Variants in AGPAT4 observed in about 807,000 individuals in gnomAD.
AGPAT4 encodes the protein 1-acyl-sn-glycerol-3-phosphate acyltransferase delta.
A neutral mutation model predicts 48.0 loss-of-function variants in AGPAT4; 15 were observed. That is an observed-to-expected ratio of 0.31 (90% CI 0.21 to 0.48). The LOEUF (loss-of-function observed/expected upper bound fraction) is 0.48. AGPAT4 is among the 20% of genes least tolerant of loss of function. The probability of loss-of-function intolerance (pLI) is 0.99; values close to 1 mark genes in which losing one functional copy is unlikely to be tolerated. For synonymous variants in AGPAT4, 178 were observed against 198.7 expected (o/e 0.90, Z 0.88); for missense variants, 314 against 482.5 (o/e 0.65, Z 3.27).
In AGPAT4 at chr6:161,177,885, C is replaced by A. The variant is rs1780471388; in HGVS notation, c.179-11468G>T. Among the ~76,000 whole-genome samples, 1 of 152,214 alleles carries A rather than the reference C, an allele frequency of 6.6e-6. No individual in the cohort carries two copies. Among genetic ancestry groups the A allele is most frequent in the Admixed American group, 6.5e-5 (1 of 15,284 alleles). ...TCCTTCTAACAGTCGGAACCCTCAGCTGCAGGTCTGTTGGAGTTTGCTGGA... is the reference window on the plus strand; with the variant it reads ...TCCTTCTAACAGTCGGAACCCTCAGATGCAGGTCTGTTGGAGTTTGCTGGA... On this transcript the variant is annotated intron_variant, in intron 2 of 8. Transcript: ENST00000320285. This position sits in a 1 kb window ranked among gnomAD's most constrained non-coding sequence, Gnocchi z 5.0.
rs1465888850 is a variant in AGPAT4, at chr6:161,144,533, T to C, written c.843+1991A>G. On this transcript the variant is annotated intron_variant, in intron 7 of 8. Coordinates refer to ENST00000320285, the MANE Select transcript of AGPAT4 (RefSeq NM_020133.3). This position sits in a 1 kb window ranked among gnomAD's most constrained non-coding sequence, Gnocchi z 6.6. ...GTTTACACGATGACCACACTCTGCC[T>C]GAATACAGGGGAGGAAGGGCCCGTT... 6.6e-6 allele frequency among the ~76,000 whole-genome samples: 1 copy of C among 152,124 alleles called. No individual in the cohort carries two copies.
rs3778229 is a variant in AGPAT4, at chr6:161,223,508, C to T, written c.178+8528G>A. Among the ~76,000 whole-genome samples, 55,941 of 152,000 alleles carry T rather than the reference C, an allele frequency of 0.37. 10,789 individuals are homozygous for T. Among genetic ancestry groups the T allele is most frequent in the Non-Finnish European group, 0.44 (29,849 of 67,962 alleles). ...ACAGGTGAATTGCCTGTTCACATAG[C>T]GGTGTTATTAAATGAGGTAATGGCT... On this transcript the variant is annotated intron_variant, in intron 2 of 8. Coordinates refer to ENST00000320285, the MANE Select transcript of AGPAT4 (RefSeq NM_020133.3). The surrounding 1 kb of genome is among the most constrained non-coding windows in gnomAD (Gnocchi z 6.3).
rs2115045718 is a variant in AGPAT4 at position 161,243,334 on chromosome 6, A to G, written c.-89-11032T>C. 6.6e-6 allele frequency among the ~76,000 whole-genome samples: 1 copy of G among 152,188 alleles called. No individual in the cohort carries two copies. Among genetic ancestry groups the G allele is most frequent in the South Asian group, 2.1e-4 (1 of 4,810 alleles). ...CAGGCGTGAGGTGGCTGGCATCCCC[A>G]GCCGGCACTAAAAACAAAAAGAGAG... On this transcript the variant is annotated intron_variant, in intron 1 of 8. Coordinates refer to ENST00000320285, the MANE Select transcript of AGPAT4 (RefSeq NM_020133.3). The surrounding 1 kb of genome is among the most constrained non-coding windows in gnomAD (Gnocchi z 4.8).
In AGPAT4 at chr6:161,198,748, T is replaced by TCTGA. The variant is rs10628377; in HGVS notation, c.179-32332_179-32331insTCAG. Among the ~76,000 whole-genome samples the TCTGA allele has an allele frequency of 0.17, 25,407 of 152,040 alleles. 3,604 individuals carry two copies. The highest frequency in any genetic ancestry group is 0.39 in the African/African-American group (16,306 of 41,408). ...AGAGTGCTGGGAACACTATATGCAG[T>TCTGA]CTGTTTTTTCCTTTACACTGACGGA... On this transcript the variant is annotated intron_variant, in intron 2 of 8. Transcript: ENST00000320285. The surrounding 1 kb of genome is among the most constrained non-coding windows in gnomAD (Gnocchi z 4.3).
rs534308965 is a variant in AGPAT4 at position 161,154,583 on chromosome 6, C to T, written c.349-273G>A. 3.9e-5 allele frequency among the ~76,000 whole-genome samples: 6 copies of T among 152,238 alleles called. No individual in the cohort carries two copies. Among genetic ancestry groups the T allele is most frequent in the East Asian group, 3.9e-4 (2 of 5,156 alleles). On this transcript the variant is annotated intron_variant, in intron 3 of 8. Transcript: ENST00000320285. This position sits in a 1 kb window ranked among gnomAD's most constrained non-coding sequence, Gnocchi z 7.8. ...ACGGCAGGAGTCAAGAAGGCAGCAG[C>T]GAGCAGTCACAGGTATTCAGGGTCC...
Position 161,219,306 on chromosome 6 carries a change from G to A in AGPAT4, c.178+12730C>T, listed in dbSNP as rs991042494. On this transcript the variant is annotated intron_variant, in intron 2 of 8. Coordinates refer to ENST00000320285, the MANE Select transcript of AGPAT4 (RefSeq NM_020133.3). This position sits in a 1 kb window ranked among gnomAD's most constrained non-coding sequence, Gnocchi z 4.9. ...TACAACTTTTATATATGTAAAATTT[G>A]TATTTTATATAATTTAAAAAATATA... Among the ~76,000 whole-genome samples the A allele has an allele frequency of 4.0e-5, 6 of 151,476 alleles. No individual in the cohort carries two copies. Among genetic ancestry groups the A allele is most frequent in the African/African-American group, 1.5e-4 (6 of 41,208 alleles).
rs1383661530 is a variant in AGPAT4, at chr6:161,259,678, C to G, written c.-90+14260G>C. Among the ~76,000 whole-genome samples the G allele has an allele frequency of 6.6e-6, 1 of 152,098 alleles. No homozygotes were observed. The highest frequency in any genetic ancestry group is 6.5e-5 in the Admixed American group (1 of 15,272). ...GAGCCTTACCCCAACTGTGGGGTCCCAGGTCACCGCACAGTTCACATGCCC... is the reference window on the plus strand; with the variant it reads ...GAGCCTTACCCCAACTGTGGGGTCCGAGGTCACCGCACAGTTCACATGCCC... On this transcript the variant is annotated intron_variant, in intron 1 of 8. Transcript: ENST00000320285. The surrounding 1 kb of genome is among the most constrained non-coding windows in gnomAD (Gnocchi z 4.9).
In AGPAT4 at chr6:161,245,601, G is replaced by T. The variant is rs1782625760; in HGVS notation, c.-89-13299C>A. 6.6e-6 allele frequency among the ~76,000 whole-genome samples: 1 copy of T among 152,084 alleles called. No individual in the cohort carries two copies. The highest frequency in any genetic ancestry group is 2.4e-5 in the African/African-American group (1 of 41,412). Reference sequence around the variant, plus strand: ...GCTGCTCAGGGGAGCAGTTTAGGGGGACACAAGCAAGTGGCCGTTCATTTT... The same window carrying T: ...GCTGCTCAGGGGAGCAGTTTAGGGGTACACAAGCAAGTGGCCGTTCATTTT... On this transcript the variant is annotated intron_variant, in intron 1 of 8. Coordinates refer to ENST00000320285, the MANE Select transcript of AGPAT4 (RefSeq NM_020133.3). The surrounding 1 kb of genome is among the most constrained non-coding windows in gnomAD (Gnocchi z 5.2).
rs1272119748 is a variant in AGPAT4 at position 161,217,150 on chromosome 6, G to GA, written c.178+14885dup. Among the ~76,000 whole-genome samples, 2 of 152,260 alleles carry GA rather than the reference G, an allele frequency of 1.3e-5. No individual in the cohort carries two copies. Among genetic ancestry groups the GA allele is most frequent in the African/African-American group, 4.8e-5 (2 of 41,476 alleles). On this transcript the variant is annotated intron_variant, in intron 2 of 8. Transcript: ENST00000320285. This position sits in a 1 kb window ranked among gnomAD's most constrained non-coding sequence, Gnocchi z 4.9. ...AGACAGTGGAGAAGGCAAGCCAGGGGAGGGGCGGAGTGAGCACAGGCGTGG... is the reference window on the plus strand; with the variant it reads ...AGACAGTGGAGAAGGCAAGCCAGGGGAAGGGGCGGAGTGAGCACAGGCGTGG...
chr6:161,151,385 C>T (rs1214954829), intron 5 of AGPAT4, among the ~76,000 whole-genome samples: 2 of 152,222 alleles, frequency 1.3e-5, no homozygotes, highest in Admixed American at 6.5e-5. Context: ...GTTAACTCTC[C>T]GTGATGAACA....
At chr6:161,241,889 C>G (rs568310921) in intron 1 of AGPAT4, among the ~76,000 whole-genome samples, 1 of 152,132 alleles carries the variant, frequency 6.6e-6, no homozygotes, top group Non-Finnish European at 1.5e-5. Flanking sequence ...TGCACTATCA[C>G]GCTCGAATAA....
chr6:161,157,805 A>C (rs971404339), intron 3 of AGPAT4, among the ~76,000 whole-genome samples: 1 of 152,226 alleles, frequency 6.6e-6, no homozygotes, highest in Non-Finnish European at 1.5e-5. Context: ...GCAGGGCTGC[A>C]TGAAAAGCTC....
At chr6:161,194,634 ATGTG>A (rs796841456) in intron 2 of AGPAT4, among the ~76,000 whole-genome samples, 2 of 145,028 alleles carry the variant, frequency 1.4e-5, no homozygotes, top group African/African-American at 2.7e-5. Context: ...GTGTATGTGT[ATGTG>A]TGTATGTGTA....
At position 161,236,616 on chromosome 6, in the gene AGPAT4, A is replaced by G. The variant is rs1782284362; in HGVS notation, c.-89-4314T>C. ...TGAGGGCTTAAAGCAGTAAAAGGAAAGGGGAGGCCGGGAGCAGTGGCTCAC... is the reference window on the plus strand; with the variant it reads ...TGAGGGCTTAAAGCAGTAAAAGGAAGGGGGAGGCCGGGAGCAGTGGCTCAC... On this transcript the variant is annotated intron_variant, in intron 1 of 8. Coordinates refer to ENST00000320285, the MANE Select transcript of AGPAT4 (RefSeq NM_020133.3). The surrounding 1 kb of genome is among the most constrained non-coding windows in gnomAD (Gnocchi z 5.0). 6.6e-6 allele frequency among the ~76,000 whole-genome samples: 1 copy of G among 152,132 alleles called. No homozygotes were observed. The highest frequency in any genetic ancestry group is 1.5e-5 in the Non-Finnish European group (1 of 68,030).
At chr6:161,273,173 TA>T (rs1332226248) in intron 1 of AGPAT4, among the ~76,000 whole-genome samples, 1 of 152,162 alleles carries the variant, frequency 6.6e-6, no homozygotes, top group South Asian at 2.1e-4. Flanking sequence ...TTAGGTTTTC[TA>T]AAAAAAGACC....
At position 161,217,189 on chromosome 6, in the gene AGPAT4, C is replaced by T. The variant is rs1352984645; in HGVS notation, c.178+14847G>A. ...GCACAGGCGTGGGGACGCGAAAGGA[C>T]AGGGGAACACCGGAGAACTCGGTCA... On this transcript the variant is annotated intron_variant, in intron 2 of 8. Coordinates refer to ENST00000320285, the MANE Select transcript of AGPAT4 (RefSeq NM_020133.3). This position sits in a 1 kb window ranked among gnomAD's most constrained non-coding sequence, Gnocchi z 4.9. 6.6e-6 allele frequency among the ~76,000 whole-genome samples: 1 copy of T among 152,206 alleles called. No homozygotes were observed. Among genetic ancestry groups the T allele is most frequent in the Non-Finnish European group, 1.5e-5 (1 of 68,042 alleles).
rs780009858 is a variant in AGPAT4, at chr6:161,161,404, G to C, written c.348+4844C>G. On this transcript the variant is annotated intron_variant, in intron 3 of 8. Transcript: ENST00000320285. The surrounding 1 kb of genome is among the most constrained non-coding windows in gnomAD (Gnocchi z 4.6). The stretch of plus-strand genomic sequence containing the variant: ...CGGGTTCCTCATCCATGTGATTCCA[G>C]ATCCCAGCACACTTGCCAAACCCAG... 4.4e-6 allele frequency: 2 copies of C among 456,596 alleles called. No individual in the cohort carries two copies. Among genetic ancestry groups the C allele is most frequent in the African/African-American group, 2.0e-5 (1 of 50,060 alleles). The allele number at this position is 456,596 out of a possible 1,614,324, so 28.3% of individuals were successfully genotyped here.
chr6:161,227,742 A>C (rs1782020542), intron 2 of AGPAT4, among the ~76,000 whole-genome samples: 1 of 152,216 alleles, frequency 6.6e-6, no homozygotes, highest in South Asian at 2.1e-4. Flanking sequence ...GTTTATTATT[A>C]TTCCAGCGAG....
At chr6:161,210,993 C>G (rs1781507452) in intron 2 of AGPAT4, among the ~76,000 whole-genome samples, 2 of 152,214 alleles carry the variant, frequency 1.3e-5, no homozygotes, top group African/African-American at 4.8e-5. Flanking sequence ...AAACTATAAA[C>G]TAAGTTCCTC....
Sources: gnomAD v4.1 joint callset for allele counts (sites outside exome capture counted in the v4.1 genomes callset) on GRCh38, gnomAD v4.1.1 for gene constraint, Gnocchi (gnomAD v3.1) non-coding constraint, MANE v1.5 for transcripts, NCBI Gene and HGNC (gene_info 2026-07-23, HGNC 2026-07-21) for gene names.